Variants in PCDH15 observed in about 807,000 individuals in gnomAD.
The protein encoded by PCDH15 is protocadherin-15.
PCDH15 carries 129 observed loss-of-function variants against 178.5 expected under a neutral mutation model. That is an observed-to-expected ratio of 0.72 (90% CI 0.63 to 0.84). PCDH15 has a LOEUF of 0.84. Among genes scored for constraint, PCDH15 ranks in the 40% least tolerant of loss-of-function variants. PCDH15 has a pLI of 0.00. For synonymous variants in PCDH15, 800 were observed against 732.0 expected, an observed-to-expected ratio of 1.09 and a Z score of -1.50; for missense variants, 2,230 against 2,099.9, an observed-to-expected ratio of 1.06 and a Z score of -1.21.
intron 1 of PCDH15, among the ~76,000 whole-genome samples, chr10:55,203,430 C>T (rs542668066): frequency 2.0e-5 from 3 of 151,824 alleles, no homozygotes; most frequent in Non-Finnish European, 4.4e-5. Flanking sequence ...CTATTATTAC[C>T]CATATTTTTA....
chr10:55,190,306 A>G (rs1839913922), intron 1 of PCDH15, among the ~76,000 whole-genome samples: 1 of 151,676 alleles, frequency 6.6e-6, no homozygotes, highest in Non-Finnish European at 1.5e-5. Flanking sequence ...TAATATATTG[A>G]TCCCAGTAGT....
intron 3 of PCDH15, among the ~76,000 whole-genome samples, chr10:54,464,272 T>C (rs1049374170): frequency 6.6e-6 from 1 of 152,162 alleles, no homozygotes; most frequent in African/African-American, 2.4e-5. Flanking sequence ...GGAGAGGTTA[T>C]AAATGACTAA....
intron 2 of PCDH15, among the ~76,000 whole-genome samples, chr10:55,035,331 A>G (rs896864364): frequency 6.6e-6 from 1 of 152,104 alleles, no homozygotes; most frequent in African/African-American, 2.4e-5. Context: ...GTCCCAAATA[A>G]AAACTTCCTG....
chr10:53,899,089 T>G (rs949074183), intron 26 of PCDH15, among the ~76,000 whole-genome samples: 7 of 151,636 alleles, frequency 4.6e-5, no homozygotes, highest in African/African-American at 1.5e-4. Context: ...AATTAGGTAT[T>G]TTGTCCATCT....
At chr10:55,167,345 G>T (rs1483005045) in intron 1 of PCDH15, among the ~76,000 whole-genome samples, 2 of 151,902 alleles carry the variant, frequency 1.3e-5, no homozygotes, top group Non-Finnish European at 2.9e-5. Context: ...CAAACTTCTG[G>T]GCTCAAGTGA....
chr10:55,115,710 T>C (rs2132060693), intron 2 of PCDH15, among the ~76,000 whole-genome samples: 1 of 152,222 alleles, frequency 6.6e-6, no homozygotes, highest in South Asian at 2.1e-4. Context: ...GCTGCTACAG[T>C]TTCATCTTCC....
intron 2 of PCDH15, among the ~76,000 whole-genome samples, chr10:55,045,025 G>T (rs987635670): frequency 1.2e-4 from 18 of 152,002 alleles, no homozygotes; most frequent in African/African-American, 4.1e-4. Context: ...TACTCATTCT[G>T]TAAACACATC....
intron 2 of PCDH15, among the ~76,000 whole-genome samples, chr10:55,343,406 C>T (rs1449972636): frequency 1.3e-5 from 2 of 152,030 alleles, no homozygotes; most frequent in East Asian, 3.9e-4. Flanking sequence ...CCTCCTTGTA[C>T]TTTTCTCCAT....
intron 2 of PCDH15, among the ~76,000 whole-genome samples, chr10:55,026,928 G>A (rs1179240645): frequency 6.6e-6 from 1 of 151,872 alleles, no homozygotes; most frequent in Non-Finnish European, 1.5e-5. Flanking sequence ...TGTATATTGG[G>A]ATGATAATTA....
intron 20 of PCDH15, among the ~76,000 whole-genome samples, chr10:54,017,458 TA>T (rs1247974444): frequency 6.6e-6 from 1 of 152,072 alleles, no homozygotes; most frequent in East Asian, 1.9e-4. Flanking sequence ...TATGCAGCCA[TA>T]AAAAAGAATA....
chr10:54,933,230 TGTCA>T (rs1362803506), intron 2 of PCDH15, among the ~76,000 whole-genome samples: 1 of 152,198 alleles, frequency 6.6e-6, no homozygotes, highest in African/African-American at 2.4e-5. Context: ...ACTGTATCTC[TGTCA>T]GTCAGTGTTT....
intron 3 of PCDH15, among the ~76,000 whole-genome samples, chr10:54,851,168 C>G (rs1953615168): frequency 6.6e-6 from 1 of 151,982 alleles, no homozygotes; most frequent in Non-Finnish European, 1.5e-5. Context: ...GATGGATACC[C>G]CATTCTCCAC....
chr10:55,461,512 A>G (rs1839677885), intron 2 of PCDH15, among the ~76,000 whole-genome samples: 1 of 143,028 alleles, frequency 7.0e-6, no homozygotes, highest in Non-Finnish European at 1.5e-5. Context: ...TGTTTTGACA[A>G]TGCATATGAG....
intron 2 of PCDH15, among the ~76,000 whole-genome samples, chr10:55,610,824 G>T (rs1421910180): frequency 6.6e-6 from 1 of 152,022 alleles, no homozygotes; most frequent in Admixed American, 6.6e-5. Flanking sequence ...CAGTTTGCCA[G>T]AAATCTGTCC....
At chr10:55,463,366 G>T (rs1417732864) in intron 2 of PCDH15, among the ~76,000 whole-genome samples, 1 of 152,054 alleles carries the variant, frequency 6.6e-6, no homozygotes, top group South Asian at 2.1e-4. Context: ...AAAATGGAAG[G>T]CCGAGCACAG....
At chr10:55,543,596 A>C (rs918591147) in intron 2 of PCDH15, among the ~76,000 whole-genome samples, 1 of 151,308 alleles carries the variant, frequency 6.6e-6, no homozygotes, top group South Asian at 2.1e-4. Flanking sequence ...CAAATCACAT[A>C]CCTTATAAGG....
intron 25 of PCDH15, among the ~76,000 whole-genome samples, chr10:53,933,334 C>T (rs188542242): frequency 0.011 from 1,687 of 151,602 alleles, 30 homozygotes; most frequent in African/African-American, 0.036. Context: ...CTTCCCCCAC[C>T]CCACAACAGT....
At chr10:54,553,692 C>G (rs1265776319) in intron 2 of PCDH15, among the ~76,000 whole-genome samples, 1 of 152,120 alleles carries the variant, frequency 6.6e-6, no homozygotes, top group Non-Finnish European at 1.5e-5. Flanking sequence ...TCTTCAAAAC[C>G]TTAGGCAAAT....
intron 3 of PCDH15, among the ~76,000 whole-genome samples, chr10:54,425,879 A>G (rs938486669): frequency 1.3e-5 from 2 of 152,178 alleles, no homozygotes; most frequent in African/African-American, 4.8e-5. Context: ...TATGTTAATT[A>G]TAGACATTTC....
Sources: allele counts gnomAD v4.1 joint callset (sites outside exome capture counted in the v4.1 genomes callset), GRCh38; gene constraint gnomAD v4.1.1; transcripts MANE v1.5; gene names NCBI Gene and HGNC (gene_info 2026-07-23, HGNC 2026-07-21).